The following KDM4B variants were observed in gnomAD, a reference collection of about 807,000 sequenced individuals.
KDM4B encodes the protein lysine-specific demethylase 4B.
In KDM4B, 32 loss-of-function variants were observed where a neutral mutation model predicts 125.2. That is an observed-to-expected ratio of 0.26 (90% CI 0.19 to 0.34). The LOEUF (loss-of-function observed/expected upper bound fraction) is 0.34, where lower values mean the gene tolerates loss of function less well. Among genes scored for constraint, KDM4B ranks in the 10% least tolerant of loss-of-function variants. The pLI, the probability that KDM4B is intolerant of heterozygous loss-of-function variation, is 1.00. For synonymous variants in KDM4B, 721 were observed against 677.9 expected (o/e 1.06, Z -0.99); for missense variants, 1,190 against 1,577.7 (o/e 0.75, Z 4.16).
At chr19:5,002,810 G>T (rs1268188915) in intron 1 of KDM4B, among the ~76,000 whole-genome samples, 2 of 151,936 alleles carry the variant, frequency 1.3e-5, no homozygotes, top group African/African-American at 4.8e-5. Context: ...AGTTAGCCAG[G>T]CATAGTGGTG....
chr19:5,144,635 C>T (rs2039809462), intron 20 of KDM4B, 148 bp from the exon 21 acceptor site: 1 of 1,198,832 alleles, frequency 8.3e-7, no homozygotes. Flanking sequence ...CAGGGCTCTG[C>T]ACCGCCCCGC....
chr19:5,094,430 C>CG (rs964052166), intron 9 of KDM4B, among the ~76,000 whole-genome samples: 5 of 151,970 alleles, frequency 3.3e-5, no homozygotes, highest in East Asian at 1.9e-4. Context: ...TCACCATGTG[C>CG]GGGGGGGAGG....
intron 6 of KDM4B, among the ~76,000 whole-genome samples, chr19:5,053,386 G>A (rs2037294061): frequency 6.6e-6 from 1 of 152,228 alleles, no homozygotes; most frequent in Non-Finnish European, 1.5e-5. Flanking sequence ...CACACACACT[G>A]AGCCAGGATG....
intron 1 of KDM4B, among the ~76,000 whole-genome samples, chr19:5,003,379 G>A (rs1030741008): frequency 3.9e-5 from 6 of 152,210 alleles, no homozygotes; most frequent in Non-Finnish European, 8.8e-5. Flanking sequence ...TTCTCGGGAG[G>A]CTGAGGAAGG....
rs2039951963 is a variant in KDM4B, at chr19:5,151,699, G to A, written c.*188G>A. On this transcript the variant is annotated 3_prime_UTR_variant, in exon 23 of 23. Transcript: ENST00000159111. The stretch of plus-strand genomic sequence containing the variant: ...CGCGGCCCCAGACTCAGGGAGCAGG[G>A]CCAGGCGGGCTCGGGGGCCGGCCAG... The A allele has an allele frequency of 2.3e-6, 1 of 439,492 alleles. No individual in the cohort carries two copies. The highest frequency in any genetic ancestry group is 3.8e-6 in the Non-Finnish European group (1 of 264,014). The allele number at this position is 439,492 out of a possible 1,614,324, so 27.2% of individuals were successfully genotyped here. A position where few individuals can be genotyped will look rare whatever the true frequency, so the allele number is the denominator to read the frequency against.
intron 1 of KDM4B, among the ~76,000 whole-genome samples, chr19:4,996,408 T>C (rs772317921): frequency 3.3e-5 from 5 of 152,180 alleles, no homozygotes; most frequent in Non-Finnish European, 7.3e-5. Context: ...GGGGACCTGC[T>C]CTGTCATCCA....
In KDM4B at chr19:5,025,933, A is replaced by G. The variant is rs534492818; in HGVS notation, c.-25-6933A>G. On this transcript the variant is annotated intron_variant, in intron 2 of 22. Transcript: ENST00000159111. The stretch of plus-strand genomic sequence containing the variant: ...GAGTTTCACTCGTTGCCCAGGCTGG[A>G]GTGCAATGGCACTATCTCGGCTCAA... Among the ~76,000 whole-genome samples, 12 of 152,086 alleles carry G rather than the reference A, an allele frequency of 7.9e-5. No individual in the cohort carries two copies. The South Asian group carries it at 2.5e-3, about 32-fold the overall frequency.
chr19:5,017,731 T>TA (rs2035936106), intron 2 of KDM4B, among the ~76,000 whole-genome samples: 1 of 152,122 alleles, frequency 6.6e-6, no homozygotes, highest in South Asian at 2.1e-4. Context: ...TTAGCTTTAT[T>TA]ATTTATTTAT....
At chr19:5,020,674 G>A (rs933550370) in intron 2 of KDM4B, among the ~76,000 whole-genome samples, 1 of 152,204 alleles carries the variant, frequency 6.6e-6, no homozygotes, top group Non-Finnish European at 1.5e-5. Context: ...CCTGCTTCCC[G>A]TGCCTCGGCT....
At chr19:5,104,476 C>T (rs1431340669) in intron 9 of KDM4B, among the ~76,000 whole-genome samples, 1 of 151,576 alleles carries the variant, frequency 6.6e-6, no homozygotes, top group Non-Finnish European at 1.5e-5. Flanking sequence ...AATCTAAGAT[C>T]AGTACCTTTT....
At chr19:5,148,759 G>A (rs966236058) in intron 21 of KDM4B, among the ~76,000 whole-genome samples, 3 of 152,200 alleles carry the variant, frequency 2.0e-5, no homozygotes, top group African/African-American at 4.8e-5. Context: ...GGTGGAAATC[G>A]CTTTCCGGGG....
Position 5,114,208 on chromosome 19 carries a change from A to G in KDM4B, c.1115+3390A>G. 2 of 1,289,670 alleles carry G rather than the reference A, an allele frequency of 1.6e-6. No individual in the cohort carries two copies. Among genetic ancestry groups the G allele is most frequent in the Non-Finnish European group, 2.0e-6 (2 of 988,848 alleles). 79.9% of individuals were successfully genotyped at this position (1,289,670 alleles called of 1,614,324 possible). A position where few individuals can be genotyped will look rare whatever the true frequency, so the allele number is the denominator to read the frequency against. Reference sequence around the variant, plus strand: ...TTTCCACGCGAGAAGCGCCATGTGCACGTGCTCCAGCAGGTACGCGCTCCC... The same window carrying G: ...TTTCCACGCGAGAAGCGCCATGTGCGCGTGCTCCAGCAGGTACGCGCTCCC... On this transcript the variant is annotated intron_variant, in intron 10 of 22. Transcript: ENST00000159111. The surrounding 1 kb of genome is among the most constrained non-coding windows in gnomAD (Gnocchi z 5.8).
At chr19:5,060,504 C>T (rs1169454329) in intron 6 of KDM4B, among the ~76,000 whole-genome samples, 2 of 145,790 alleles carry the variant, frequency 1.4e-5, no homozygotes, top group African/African-American at 5.0e-5. Context: ...CCTGTCTCTT[C>T]AGACCCTCTG....
chr19:5,105,075 G>A (rs896474757), intron 9 of KDM4B, among the ~76,000 whole-genome samples: 11 of 152,124 alleles, frequency 7.2e-5, no homozygotes, highest in South Asian at 4.1e-4. Context: ...AAATGGCCCC[G>A]CTCCCTGAGC....
At chr19:5,121,226 A>G (rs1160705444) in intron 11 of KDM4B, among the ~76,000 whole-genome samples, 1 of 152,104 alleles carries the variant, frequency 6.6e-6, no homozygotes. Flanking sequence ...AAGAAAAGTG[A>G]GCATCCCTGG....
intron 2 of KDM4B, among the ~76,000 whole-genome samples, chr19:5,020,211 G>T (rs2036067322): frequency 6.7e-6 from 1 of 149,746 alleles, no homozygotes; most frequent in Non-Finnish European, 1.5e-5. Context: ...GGATATTGGT[G>T]TGCAGGTGTT....
chr19:5,008,647 G>A (rs1053083442), intron 1 of KDM4B, among the ~76,000 whole-genome samples: 4 of 146,666 alleles, frequency 2.7e-5, no homozygotes, highest in African/African-American at 1.0e-4. Flanking sequence ...CTGGAGTGCA[G>A]TGCCACAATC....
At chr19:5,077,931 G>A (rs371917211) in intron 8 of KDM4B, 4 of 174,676 alleles carry the variant, frequency 2.3e-5, no homozygotes, top group African/African-American at 9.5e-5. Flanking sequence ...GGAGAGAACT[G>A]CCTGTTTAGA....
chr19:5,066,059 C>A (rs1394478104), intron 6 of KDM4B, among the ~76,000 whole-genome samples: 1 of 152,222 alleles, frequency 6.6e-6, no homozygotes, highest in Non-Finnish European at 1.5e-5. Context: ...TCCCGTGTGA[C>A]CAGTGTCTCT....
Sources: gnomAD v4.1 joint callset for allele counts (sites outside exome capture counted in the v4.1 genomes callset) on GRCh38, gnomAD v4.1.1 for gene constraint, Gnocchi (gnomAD v3.1) non-coding constraint, MANE v1.5 for transcripts, NCBI Gene and HGNC (gene_info 2026-07-23, HGNC 2026-07-21) for gene names.